SCIN: variants seen among roughly 807,000 people sequenced by gnomAD.
SCIN encodes the protein adseverin.
A neutral mutation model predicts 91.8 loss-of-function variants in SCIN; 91 were observed. The ratio of observed to expected loss-of-function variants is 0.99; its 90% CI spans 0.84 to 1.18. The LOEUF is 1.18. Among genes scored for constraint, SCIN ranks in the 50% most tolerant of loss-of-function variants. The pLI is 0.00. For missense variants in SCIN, 1,087 were observed against 863.9 expected (o/e 1.26, Z -3.24); for synonymous variants, 367 against 312.6 (o/e 1.17, Z -1.84).
At chr7:12,589,853 G>A (rs117177531) in intron 3 of SCIN, among the ~76,000 whole-genome samples, 1,721 of 152,218 alleles carry the variant, frequency 0.011, 29 homozygotes, top group South Asian at 0.084. Flanking sequence ...AGGAAAGGGC[G>A]TCCGTATATT....
rs759714428 is a variant in SCIN, at chr7:12,570,754, C to A, written c.-33C>A. The A allele has an allele frequency of 2.1e-5, 33 of 1,543,616 alleles. No individual in the cohort carries two copies. Among genetic ancestry groups the A allele is most frequent in the Middle Eastern group, 3.3e-4 (2 of 5,988 alleles). ...CGGTTTAGTCCAAGATCAGCGATAT[C>A]ACGCGTCCCCCGGAGCATCGCGTGC... On this transcript the variant is annotated 5_prime_UTR_variant, in exon 1 of 16. Transcript: ENST00000297029.
Position 12,651,063 on chromosome 7 carries a change from A to C in SCIN, c.1960-778A>C, listed in dbSNP as rs1257168374. On this transcript the variant is annotated intron_variant, in intron 14 of 15. Coordinates refer to ENST00000297029, the MANE Select transcript of SCIN (RefSeq NM_001112706.3). This position sits in a 1 kb window ranked among gnomAD's most constrained non-coding sequence, Gnocchi z 5.9. ...AGGAGAAAAGGCATACAAATATATTAATGTTCACAGGAGTCATACAGAATG... is the reference window on the plus strand; with the variant it reads ...AGGAGAAAAGGCATACAAATATATTCATGTTCACAGGAGTCATACAGAATG... 2.6e-5 allele frequency among the ~76,000 whole-genome samples: 4 copies of C among 152,208 alleles called. No individual in the cohort carries two copies. Among genetic ancestry groups the C allele is most frequent in the African/African-American group, 7.2e-5 (3 of 41,446 alleles).
chr7:12,620,295 C>T (rs1783381023), intron 4 of SCIN, among the ~76,000 whole-genome samples: 1 of 151,982 alleles, frequency 6.6e-6, no homozygotes, highest in African/African-American at 2.4e-5. Context: ...ACTTTGTCTC[C>T]AGAACTTATT....
chr7:12,604,723 G>GTT, intron 4 of SCIN, 60 bp downstream of exon 4: 4 of 919,400 alleles, frequency 4.4e-6, no homozygotes, highest in Non-Finnish European at 6.1e-6. Context: ...GTGTCTGTGT[G>GTT]GTGTGTGTGT....
chr7:12,647,404 G>A (rs552877332), intron 13 of SCIN, among the ~76,000 whole-genome samples: 2 of 151,622 alleles, frequency 1.3e-5, no homozygotes, highest in Admixed American at 6.6e-5. Flanking sequence ...CAGCTACAAG[G>A]CAGCAGAGCT....
intron 10 of SCIN, among the ~76,000 whole-genome samples, chr7:12,640,093 G>A (rs1295215119): frequency 6.6e-6 from 1 of 152,156 alleles, no homozygotes; most frequent in Non-Finnish European, 1.5e-5. Context: ...GAAAGTATTG[G>A]AGCATGGTGA....
intron 3 of SCIN, chr7:12,596,465 C>T (rs1363223590): frequency 1.5e-5 from 7 of 456,114 alleles, no homozygotes; most frequent in Non-Finnish European, 2.2e-5. Flanking sequence ...CTGGTGCCAG[C>T]TGCCAATTTA....
At chr7:12,588,169 T>C (rs755414422) in intron 3 of SCIN, among the ~76,000 whole-genome samples, 7 of 152,148 alleles carry the variant, frequency 4.6e-5, no homozygotes, top group Non-Finnish European at 1.0e-4. Flanking sequence ...CTTGAGGCAA[T>C]AAGAATGGAT....
At chr7:12,638,860 T>C (rs963916822) in intron 10 of SCIN, among the ~76,000 whole-genome samples, 4 of 152,238 alleles carry the variant, frequency 2.6e-5, no homozygotes, top group African/African-American at 9.6e-5. Context: ...CTCAATTCTA[T>C]GGAATTTAGT....
intron 4 of SCIN, among the ~76,000 whole-genome samples, chr7:12,607,597 A>T (rs1377275203): frequency 6.6e-6 from 1 of 152,236 alleles, no homozygotes; most frequent in African/African-American, 2.4e-5. Context: ...TTTGGTTTTT[A>T]GAAAAATCCT....
intron 3 of SCIN, among the ~76,000 whole-genome samples, chr7:12,591,375 G>A (rs1227391857): frequency 3.3e-5 from 5 of 152,134 alleles, no homozygotes; most frequent in African/African-American, 9.7e-5. Context: ...CTGCTTTCTA[G>A]AGCTAAGCTG....
At position 12,636,053 on chromosome 7, in the gene SCIN, C is replaced by G. The variant is rs1221834780; in HGVS notation, c.1328C>G (p.Ala443Gly). Residue 443 changes from alanine (A) to glycine (G), a missense_variant, in exon 10 of 16, where the codon GCA becomes GGA. Physicochemically the swap from Ala to Gly is moderately conservative, Grantham distance 60. Transcript: ENST00000297029. ...CACTTTCATTCCTCTAGGCAAGGAG[C>G]AAATGCCACACGAGATGAGCTGACA... ...RGQIIYTWQG[A>G]NATRDELTTS... 6.2e-7 allele frequency: 1 copy of G among 1,611,906 alleles called. No individual in the cohort carries two copies. The highest frequency in any genetic ancestry group is 1.3e-5 in the African/African-American group (1 of 74,912).
intron 3 of SCIN, among the ~76,000 whole-genome samples, chr7:12,583,076 A>T (rs1782521465): frequency 6.6e-6 from 1 of 152,120 alleles, no homozygotes. Flanking sequence ...GTGATAATGT[A>T]ATTAATTGCT....
chr7:12,652,524 A>T (rs1784100496), intron 15 of SCIN, 64 bp from the exon 16 acceptor site: 1 of 1,434,092 alleles, frequency 7.0e-7, no homozygotes, highest in African/African-American at 1.5e-5. Flanking sequence ...AGAATTTTCA[A>T]TCTGCAGTTA....
intron 5 of SCIN, among the ~76,000 whole-genome samples, chr7:12,623,709 C>G (rs1783456933): frequency 6.6e-6 from 1 of 152,084 alleles, no homozygotes; most frequent in Admixed American, 6.6e-5. Flanking sequence ...CAGAAAGAAA[C>G]TATATTTGCT....
chr7:12,638,654 C>T (rs111398546), intron 10 of SCIN, among the ~76,000 whole-genome samples: 6,057 of 152,232 alleles, frequency 0.04, 391 homozygotes, highest in African/African-American at 0.14. Flanking sequence ...AAGTTAGACA[C>T]TTCAGAACAT....
At chr7:12,600,931 T>C (rs1238374961) in intron 3 of SCIN, among the ~76,000 whole-genome samples, 1 of 152,186 alleles carries the variant, frequency 6.6e-6, no homozygotes. Flanking sequence ...AACTGCTAAC[T>C]TTGTCATGGT....
chr7:12,635,470 G>T (rs558918605), intron 9 of SCIN, among the ~76,000 whole-genome samples: 1 of 150,572 alleles, frequency 6.6e-6, no homozygotes, highest in Non-Finnish European at 1.5e-5. Flanking sequence ...AAATTAGCCC[G>T]GTGTGGTGGC....
At position 12,657,243 on chromosome 7, in the gene SCIN, G is replaced by A; in HGVS notation, c.*4528G>A. On this transcript the variant is annotated 3_prime_UTR_variant, in exon 16 of 16. Transcript: ENST00000297029. ...TTTTTTTTTTTTTTTTTTTGAGATA[G>A]GTTCTCACTCTGTTGCCCAGGCTGG... is the stretch of plus-strand genomic sequence containing the variant. The A allele has an allele frequency of 8.8e-6, 1 of 113,852 alleles. No individual in the cohort carries two copies. Among genetic ancestry groups the A allele is most frequent in the African/African-American group, 3.5e-5 (1 of 28,614 alleles). 7.1% of individuals were successfully genotyped at this position (113,852 alleles called of 1,614,324 possible). A position where few individuals can be genotyped will look rare whatever the true frequency, so the allele number is the denominator to read the frequency against.
Sources: allele counts gnomAD v4.1 joint callset (sites outside exome capture counted in the v4.1 genomes callset), GRCh38; gene constraint gnomAD v4.1.1; non-coding constraint Gnocchi (gnomAD v3.1); transcripts MANE v1.5; gene names NCBI Gene and HGNC (gene_info 2026-07-23, HGNC 2026-07-21).